The following MYT1L variants were observed in gnomAD, a reference collection of about 807,000 sequenced individuals.
MYT1L encodes the protein myelin transcription factor 1-like protein.
In MYT1L, 12 loss-of-function variants were observed where a neutral mutation model predicts 126.7. The ratio of observed to expected loss-of-function variants is 0.09; its 90% CI spans 0.06 to 0.15. The LOEUF is 0.15. Ranked by LOEUF, MYT1L falls within the 10% of genes least tolerant of loss-of-function variation. MYT1L has a pLI of 1.00. For missense variants in MYT1L, 979 were observed against 1,585.2 expected, an observed-to-expected ratio of 0.62 and a Z score of 6.49; for synonymous variants, 541 against 604.2, an observed-to-expected ratio of 0.90 and a Z score of 1.53.
At chr2:2,070,003 C>T (rs1336106672) in intron 3 of MYT1L, among the ~76,000 whole-genome samples, 1 of 151,336 alleles carries the variant, frequency 6.6e-6, no homozygotes, top group Non-Finnish European at 1.5e-5. Context: ...AGCTCATCAT[C>T]ATTAGTCATT....
chr2:1,814,481 T>G (rs2037322205), intron 21 of MYT1L, among the ~76,000 whole-genome samples: 1 of 152,208 alleles, frequency 6.6e-6, no homozygotes. Flanking sequence ...CACATTGCTA[T>G]GTGTATCCCG....
intron 4 of MYT1L, among the ~76,000 whole-genome samples, chr2:2,001,344 A>C (rs1294839342): frequency 6.8e-6 from 1 of 148,092 alleles, no homozygotes. Context: ...AATTTTCAGT[A>C]CTCCAATTTT....
chr2:2,308,736 A>T (rs17039535), intron 1 of MYT1L, among the ~76,000 whole-genome samples: 5,109 of 151,792 alleles, frequency 0.034, 164 homozygotes, highest in South Asian at 0.11. Context: ...TATTCTACCT[A>T]CACTCTACCT....
At chr2:1,949,479 T>C (rs968246737) in intron 8 of MYT1L, among the ~76,000 whole-genome samples, 1 of 152,158 alleles carries the variant, frequency 6.6e-6, no homozygotes, top group African/African-American at 2.4e-5. Context: ...GTTAACTCGG[T>C]GTCAACAACT....
At chr2:2,061,993 C>T (rs759394735) in intron 3 of MYT1L, among the ~76,000 whole-genome samples, 1 of 152,218 alleles carries the variant, frequency 6.6e-6, no homozygotes, top group African/African-American at 2.4e-5. Flanking sequence ...AGACCCTACA[C>T]GAATGCGTCT....
At chr2:2,326,701 C>A (rs2096249766) in intron 1 of MYT1L, 1 of 152,204 alleles carries the variant, frequency 6.6e-6, no homozygotes, top group Admixed American at 6.5e-5. Flanking sequence ...AATAAGCATT[C>A]ATGCATTCTT....
In MYT1L at chr2:1,912,215, C is replaced by G; in HGVS notation, c.1619-105G>C. On this transcript the variant is annotated intron_variant, in intron 11 of 24. Transcript: ENST00000647738. This position sits in a 1 kb window ranked among gnomAD's most constrained non-coding sequence, Gnocchi z 4.3. ...CAAAGGCCAGGTCGCTCATGATAGA[C>G]AGTCCTACAAACGTTTGTGATGGGC... The G allele has an allele frequency of 1.4e-6, 1 of 713,506 alleles. No individual in the cohort carries two copies. The highest frequency in any genetic ancestry group is 2.5e-5 in the South Asian group (1 of 39,392). 44.2% of individuals were successfully genotyped at this position (713,506 alleles called of 1,614,324 possible). A position where few individuals can be genotyped will look rare whatever the true frequency, so the allele number is the denominator to read the frequency against.
intron 3 of MYT1L, among the ~76,000 whole-genome samples, chr2:2,116,839 G>C (rs2147829521): frequency 2.0e-5 from 3 of 152,326 alleles, no homozygotes; most frequent in Admixed American, 2.0e-4. Flanking sequence ...CCCTCACCTG[G>C]CTCCACTTCA....
intron 3 of MYT1L, among the ~76,000 whole-genome samples, chr2:2,088,796 A>T (rs1210628245): frequency 6.6e-6 from 1 of 152,238 alleles, no homozygotes; most frequent in Non-Finnish European, 1.5e-5. Context: ...AACAATTACG[A>T]CCAGTTTTAT....
chr2:2,137,892 G>C (rs2148116507), intron 3 of MYT1L, among the ~76,000 whole-genome samples: 1 of 152,138 alleles, frequency 6.6e-6, no homozygotes, highest in East Asian at 1.9e-4. Context: ...TACCATCAGA[G>C]TAAACAGGCA....
At chr2:1,998,808 G>C (rs1435688389) in intron 4 of MYT1L, among the ~76,000 whole-genome samples, 1 of 152,004 alleles carries the variant, frequency 6.6e-6, no homozygotes, top group Non-Finnish European at 1.5e-5. Context: ...TGTTATGCGA[G>C]ACCCCAGAGC....
At chr2:2,039,015 C>T (rs554705352) in intron 4 of MYT1L, among the ~76,000 whole-genome samples, 3 of 152,312 alleles carry the variant, frequency 2.0e-5, no homozygotes, top group South Asian at 2.1e-4. Flanking sequence ...GCCGATGAGG[C>T]ACTGTCACCT....
rs62114691 is a variant in MYT1L at position 1,851,904 on chromosome 2, G to T, written c.2712-201C>A. 0.076 allele frequency among the ~76,000 whole-genome samples: 11,519 copies of T among 152,142 alleles called. 467 individuals carry two copies. The highest frequency in any genetic ancestry group is 0.14 in the South Asian group (679 of 4,818). On this transcript the variant is annotated intron_variant, in intron 18 of 24. Coordinates refer to ENST00000647738, the MANE Select transcript of MYT1L (RefSeq NM_001303052.2). The stretch of plus-strand genomic sequence containing the variant: ...CACCTTCCAGAGCACCGGGAGCTTC[G>T]TGGCTGCTCCGCTCCCCACAGTCTC...
chr2:2,208,713 G>A (rs1323107179), intron 2 of MYT1L, among the ~76,000 whole-genome samples: 2 of 151,790 alleles, frequency 1.3e-5, no homozygotes, highest in African/African-American at 4.8e-5. Flanking sequence ...TTAAATTTTT[G>A]CCTGACATTT....
intron 3 of MYT1L, among the ~76,000 whole-genome samples, chr2:2,063,344 A>T (rs1031259115): frequency 6.6e-6 from 1 of 152,130 alleles, no homozygotes; most frequent in Admixed American, 6.6e-5. Context: ...TTGCACGAAC[A>T]TCTAGAGATC....
At chr2:1,971,951 C>T (rs1213851882) in intron 8 of MYT1L, among the ~76,000 whole-genome samples, 2 of 152,128 alleles carry the variant, frequency 1.3e-5, no homozygotes, top group South Asian at 2.1e-4. Context: ...CTATGCCATG[C>T]TATCAAACTA....
At chr2:2,032,115 A>G (rs1272724412) in intron 4 of MYT1L, among the ~76,000 whole-genome samples, 7 of 124,070 alleles carry the variant, frequency 5.6e-5, no homozygotes, top group African/African-American at 2.4e-4. Context: ...AGTGCCTCTC[A>G]TCCTGTGGCC....
intron 4 of MYT1L, among the ~76,000 whole-genome samples, chr2:2,040,832 A>G (rs1040446634): frequency 2.0e-5 from 3 of 152,168 alleles, no homozygotes; most frequent in Non-Finnish European, 4.4e-5. Flanking sequence ...TATTATATCA[A>G]TTTGAGGTTA....
chr2:2,256,206 G>A (rs2094808184), intron 2 of MYT1L, among the ~76,000 whole-genome samples: 1 of 152,216 alleles, frequency 6.6e-6, no homozygotes, highest in African/African-American at 2.4e-5. Flanking sequence ...TGCTCAAAGA[G>A]GCGTGAGGCC....
Sources: gnomAD v4.1 joint callset for allele counts (sites outside exome capture counted in the v4.1 genomes callset) on GRCh38, gnomAD v4.1.1 for gene constraint, Gnocchi (gnomAD v3.1) non-coding constraint, MANE v1.5 for transcripts, NCBI Gene and HGNC (gene_info 2026-07-23, HGNC 2026-07-21) for gene names.